Variants in PREX1 observed in about 807,000 individuals in gnomAD.
The protein encoded by PREX1 is phosphatidylinositol 3,4,5-trisphosphate-dependent Rac exchanger 1 protein.
PREX1 carries 41 observed loss-of-function variants against 198.3 expected under a neutral mutation model. The ratio of observed to expected loss-of-function variants is 0.21; its 90% confidence interval spans 0.16 to 0.27. The LOEUF (loss-of-function observed/expected upper bound fraction) is 0.27, where lower values mean the gene tolerates loss of function less well. Ranked by LOEUF, PREX1 falls within the 10% of genes least tolerant of loss-of-function variation. The pLI is 1.00. For missense variants in PREX1, 1,620 were observed against 2,200.7 expected, an observed-to-expected ratio of 0.74 and a Z score of 5.28; for synonymous variants, 843 against 887.2, an observed-to-expected ratio of 0.95 and a Z score of 0.89.
chr20:48,766,675 C>G (rs2090209583), intron 1 of PREX1, among the ~76,000 whole-genome samples: 1 of 152,250 alleles, frequency 6.6e-6, no homozygotes, highest in South Asian at 2.1e-4. Flanking sequence ...GGCTCCCATA[C>G]TTAGTGCCAC....
At chr20:48,661,464 TATATAC>T (rs1200354912) in intron 15 of PREX1, among the ~76,000 whole-genome samples, 7 of 106,084 alleles carry the variant, frequency 6.6e-5, no homozygotes, top group Middle Eastern at 4.8e-3. Context: ...TATATATATA[TATATAC>T]ACACACATAT....
intron 5 of PREX1, among the ~76,000 whole-genome samples, chr20:48,714,925 T>C (rs11908603): frequency 0.022 from 3,401 of 152,262 alleles, 138 homozygotes; most frequent in African/African-American, 0.079. Flanking sequence ...AGGCATAAAA[T>C]GTGGGTATCT....
intron 27 of PREX1, chr20:48,642,865 C>G (rs2089424692): frequency 5.4e-6 from 1 of 183,624 alleles, no homozygotes. Flanking sequence ...CACCTGGGGA[C>G]AGTTTGTGCA....
At chr20:48,660,630 T>C (rs1414452508) in intron 15 of PREX1, among the ~76,000 whole-genome samples, 1 of 152,228 alleles carries the variant, frequency 6.6e-6, no homozygotes, top group Non-Finnish European at 1.5e-5. Flanking sequence ...AGTCTGTGTA[T>C]AAGACCCTCT....
intron 1 of PREX1, among the ~76,000 whole-genome samples, chr20:48,757,535 C>T (rs1211413305): frequency 6.6e-6 from 1 of 152,226 alleles, no homozygotes; most frequent in Non-Finnish European, 1.5e-5. Flanking sequence ...AAGCCTCGCA[C>T]CTCAGTTGCC....
chr20:48,757,427 C>T (rs1275269581), intron 1 of PREX1, among the ~76,000 whole-genome samples: 2 of 152,314 alleles, frequency 1.3e-5, no homozygotes, highest in Admixed American at 1.3e-4. Flanking sequence ...TCAGCATGTT[C>T]GTCCTGCATA....
chr20:48,856,766 C>T, the PREX1 span, among the ~76,000 whole-genome samples: 3 of 152,240 alleles, frequency 2.0e-5, no homozygotes, highest in African/African-American at 7.2e-5. Flanking sequence ...GTTTCTCCCA[C>T]CAGTGGGTCT....
intron 5 of PREX1, among the ~76,000 whole-genome samples, chr20:48,721,513 C>A (rs532605101): frequency 2.0e-5 from 3 of 152,218 alleles, no homozygotes; most frequent in Admixed American, 6.5e-5. Context: ...GAGGCAGAAA[C>A]CTGCTTGTTG....
chr20:48,820,680 TATCTGGAGAC>T (rs2123075096), intron 1 of PREX1, among the ~76,000 whole-genome samples: 1 of 152,290 alleles, frequency 6.6e-6, no homozygotes, highest in Admixed American at 6.5e-5. Context: ...ATACCTGGAA[TATCTGGAGAC>T]ATCTGTGGTT....
intron 30 of PREX1, 39 bp from the exon 31 acceptor site, chr20:48,637,791 G>T: frequency 1.9e-6 from 3 of 1,573,796 alleles, no homozygotes; most frequent in Non-Finnish European, 2.6e-6. Context: ...GACGGGCTGG[G>T]AGGGGGCAGC....
chr20:48,725,777 CT>C (rs1248985492), intron 5 of PREX1, among the ~76,000 whole-genome samples: 1 of 152,230 alleles, frequency 6.6e-6, no homozygotes, highest in Non-Finnish European at 1.5e-5. Flanking sequence ...GCCCTGCTCA[CT>C]GTCATTGGAT....
intron 9 of PREX1, among the ~76,000 whole-genome samples, chr20:48,690,510 G>GC (rs1434374419): frequency 6.6e-6 from 1 of 150,584 alleles, no homozygotes; most frequent in Non-Finnish European, 1.5e-5. Flanking sequence ...ATTATATCCA[G>GC]CCCCTGCACT....
chr20:48,707,728 GA>G (rs1353597161), intron 6 of PREX1, among the ~76,000 whole-genome samples: 3 of 152,140 alleles, frequency 2.0e-5, no homozygotes. Flanking sequence ...ATGATCTCAA[GA>G]ACCCCATCCC....
the PREX1 span, among the ~76,000 whole-genome samples, chr20:48,878,017 G>T: frequency 4.6e-5 from 7 of 152,094 alleles, no homozygotes; most frequent in Non-Finnish European, 1.0e-4. Context: ...GCTGAGGCAG[G>T]ATAATCGCTT....
chr20:48,748,076 G>A (rs59338851), intron 1 of PREX1, among the ~76,000 whole-genome samples, 196 bp from the exon 2 acceptor site: 4,847 of 152,148 alleles, frequency 0.032, 129 homozygotes, highest in African/African-American at 0.07. Flanking sequence ...ACTCCCACAC[G>A]GTCACCAGGG....
chr20:48,773,630 G>C (rs1429698550), intron 1 of PREX1, among the ~76,000 whole-genome samples: 1 of 152,236 alleles, frequency 6.6e-6, no homozygotes, highest in Non-Finnish European at 1.5e-5. Flanking sequence ...ACTGAGGCAG[G>C]AGTGAGCCCG....
chr20:48,642,298 G>A, intron 28 of PREX1, 40 bp from the exon 29 acceptor site: 1 of 1,608,208 alleles, frequency 6.2e-7, no homozygotes, highest in Non-Finnish European at 8.5e-7. Flanking sequence ...GGGCCCCGTG[G>A]CCCTACACAC....
At chr20:48,879,837 C>T in the PREX1 span, among the ~76,000 whole-genome samples, 1 of 152,216 alleles carries the variant, frequency 6.6e-6, no homozygotes, top group African/African-American at 2.4e-5. Flanking sequence ...CTTTACAGAG[C>T]CTCTACCCTT....
upstream of PREX1, among the ~76,000 whole-genome samples, chr20:48,828,840 G>T (rs1286981403): frequency 6.6e-6 from 1 of 152,200 alleles, no homozygotes; most frequent in Non-Finnish European, 1.5e-5. Context: ...ATGGGATAAG[G>T]CCTTGGGAAA....
Sources: gnomAD v4.1 joint callset for allele counts (sites outside exome capture counted in the v4.1 genomes callset) on GRCh38, gnomAD v4.1.1 for gene constraint, MANE v1.5 for transcripts, NCBI Gene and HGNC (gene_info 2026-07-23, HGNC 2026-07-21) for gene names.